The following CRPPA variants were observed in gnomAD, a reference collection of about 807,000 sequenced individuals.
CRPPA encodes CDP-L-ribitol pyrophosphorylase A.
Under a neutral mutation model 52.0 loss-of-function variants are expected in CRPPA, and 43 were observed. That is an observed-to-expected ratio of 0.83 (90% confidence interval 0.65 to 1.07). The LOEUF is 1.07. CRPPA is among the 50% of genes least tolerant of loss of function. The pLI is 0.00. For synonymous variants in CRPPA, 250 were observed against 203.5 expected (o/e 1.23, Z -1.94); for missense variants, 629 against 551.7 (o/e 1.14, Z -1.40).
chr7:16,162,975 T>C (rs1358283960), intron 9 of CRPPA, among the ~76,000 whole-genome samples: 5 of 141,872 alleles, frequency 3.5e-5, no homozygotes, highest in East Asian at 2.0e-4. Context: ...TTCTTTCTCT[T>C]TTTTTTTTTT....
At chr7:16,241,437 G>A (rs1395774760) in intron 8 of CRPPA, among the ~76,000 whole-genome samples, 2 of 151,912 alleles carry the variant, frequency 1.3e-5, no homozygotes, top group Admixed American at 6.6e-5. Context: ...TACAAGCAGA[G>A]AAAAGCAAAG....
intron 8 of CRPPA, among the ~76,000 whole-genome samples, chr7:16,255,021 T>C (rs1417953413): frequency 6.6e-6 from 1 of 152,124 alleles, no homozygotes; most frequent in African/African-American, 2.4e-5. Flanking sequence ...GCAGATGACA[T>C]GATTGTATAT....
intron 9 of CRPPA, among the ~76,000 whole-genome samples, chr7:16,125,471 T>C (rs143382946): frequency 8.5e-5 from 13 of 152,166 alleles, no homozygotes; most frequent in African/African-American, 2.6e-4. Flanking sequence ...CCCAATAGAA[T>C]AGTTTAGAAG....
rs540134028 is a variant in CRPPA, at chr7:16,305,666, G to A, written c.789+2857C>T. On this transcript the variant is annotated intron_variant, in intron 4 of 9. Coordinates refer to ENST00000407010, the MANE Select transcript of CRPPA (RefSeq NM_001101426.4). ...GCAGATCACAAAGTCAGGAGATCAA[G>A]ACCATCCTGGCCAACATGGTGAAAC... Among the ~76,000 whole-genome samples, 3 of 152,278 alleles carry A rather than the reference G, an allele frequency of 2.0e-5. No homozygotes were observed. The East Asian group carries it at 5.8e-4, about 29-fold the overall frequency.
intron 9 of CRPPA, among the ~76,000 whole-genome samples, chr7:16,185,960 T>A (rs1032661886): frequency 5.3e-5 from 8 of 152,302 alleles, no homozygotes; most frequent in Non-Finnish European, 7.3e-5. Context: ...TATTCACACA[T>A]CTTAATGTTC....
chr7:16,375,617 T>C (rs1317693229), intron 3 of CRPPA, among the ~76,000 whole-genome samples: 1 of 152,192 alleles, frequency 6.6e-6, no homozygotes, highest in African/African-American at 2.4e-5. Context: ...ATCTGAGAAT[T>C]AACTGACAAG....
chr7:16,354,187 G>GAA (rs1477395412), intron 3 of CRPPA, among the ~76,000 whole-genome samples: 1 of 152,128 alleles, frequency 6.6e-6, no homozygotes, highest in African/African-American at 2.4e-5. Flanking sequence ...GGAAACAAAT[G>GAA]ATGGCAAGAA....
chr7:16,355,559 T>A (rs1416506796), intron 3 of CRPPA, among the ~76,000 whole-genome samples: 1 of 152,200 alleles, frequency 6.6e-6, no homozygotes, highest in Non-Finnish European at 1.5e-5. Context: ...GCCCTTTACT[T>A]GTTTCTCAAA....
intron 4 of CRPPA, among the ~76,000 whole-genome samples, chr7:16,303,491 A>AAAAAAAAAAAAAAAAAAAC (rs766268683): frequency 8.0e-6 from 1 of 124,936 alleles, no homozygotes. Flanking sequence ...AAAAAAAAAA[A>AAAAAAAAAAAAAAAAAAAC]AAAAAAAAAA....
intron 3 of CRPPA, among the ~76,000 whole-genome samples, chr7:16,365,858 G>T (rs1786576182): frequency 6.6e-6 from 1 of 152,046 alleles, no homozygotes; most frequent in African/African-American, 2.4e-5. Flanking sequence ...GAAAAAAATT[G>T]TACCTAGGAT....
chr7:16,355,863 T>C lies in CRPPA; in HGVS notation c.684+20229A>G, dbSNP rs764047021. Among the ~76,000 whole-genome samples the C allele has an allele frequency of 9.9e-5, 15 of 152,150 alleles. 1 individual carries two copies. The highest frequency in any genetic ancestry group is 2.1e-4 in the Non-Finnish European group (14 of 68,020). ...ACTTGAGTAGGCATCTGCTGATGGT[T>C]CTCATTCATTATTACAGTATAAAGA... On this transcript the variant is annotated intron_variant, in intron 3 of 9. Transcript: ENST00000407010.
At chr7:16,096,711 T>A (rs546753022) in intron 9 of CRPPA, among the ~76,000 whole-genome samples, 62 of 152,268 alleles carry the variant, frequency 4.1e-4, no homozygotes, top group African/African-American at 1.5e-3. Flanking sequence ...CCTCCCAAAG[T>A]ACCAGGCTTA....
At chr7:16,318,077 G>A (rs908961460) in intron 3 of CRPPA, among the ~76,000 whole-genome samples, 8 of 152,080 alleles carry the variant, frequency 5.3e-5, no homozygotes, top group Admixed American at 1.3e-4. Flanking sequence ...AGCTCCATCC[G>A]TCATCTCTCT....
intron 9 of CRPPA, among the ~76,000 whole-genome samples, chr7:16,092,116 A>G (rs1781849603): frequency 2.0e-5 from 3 of 152,210 alleles, no homozygotes; most frequent in Admixed American, 2.0e-4. Context: ...TGAAGTGTGA[A>G]TATTTCATCA....
At chr7:16,417,009 C>G (rs1051380066) in intron 1 of CRPPA, among the ~76,000 whole-genome samples, 14 of 152,196 alleles carry the variant, frequency 9.2e-5, no homozygotes, top group Admixed American at 1.3e-4. Context: ...TGAACAAACA[C>G]TTCTCAAAAG....
At chr7:16,316,458 T>A (rs1015866122) in intron 3 of CRPPA, among the ~76,000 whole-genome samples, 6 of 152,158 alleles carry the variant, frequency 3.9e-5, no homozygotes, top group African/African-American at 1.2e-4. Context: ...CTGAAAAACA[T>A]GCTTATGAGT....
intron 5 of CRPPA, among the ~76,000 whole-genome samples, chr7:16,279,677 T>C (rs1784281368): frequency 6.6e-6 from 1 of 152,134 alleles, no homozygotes; most frequent in Non-Finnish European, 1.5e-5. Context: ...GAGCTCACTC[T>C]TGAAAGGGGA....
chr7:16,158,200 G>A (rs903472829), intron 9 of CRPPA, among the ~76,000 whole-genome samples: 3 of 151,888 alleles, frequency 2.0e-5, no homozygotes, highest in African/African-American at 4.8e-5. Context: ...AGATATTTCT[G>A]TTCATTCTTT....
intron 2 of CRPPA, among the ~76,000 whole-genome samples, chr7:16,397,212 G>C (rs73306498): frequency 6.6e-6 from 1 of 152,166 alleles, no homozygotes; most frequent in South Asian, 2.1e-4. Flanking sequence ...TGACACGACT[G>C]ACACGTATGT....
Sources: allele counts gnomAD v4.1 joint callset (sites outside exome capture counted in the v4.1 genomes callset), GRCh38; gene constraint gnomAD v4.1.1; transcripts MANE v1.5; gene names NCBI Gene and HGNC (gene_info 2026-07-23, HGNC 2026-07-21).